Variants in OSBPL8 observed in about 807,000 individuals in gnomAD.
The protein encoded by OSBPL8 is oxysterol-binding protein-related protein 8.
A neutral mutation model predicts 125.5 loss-of-function variants in OSBPL8; 59 were observed. That is an observed-to-expected ratio of 0.47 (90% CI 0.38 to 0.58). OSBPL8 has a LOEUF of 0.58. OSBPL8 is among the 20% of genes least tolerant of loss of function. OSBPL8 has a pLI of 0.00. For synonymous variants in OSBPL8, 330 were observed against 338.9 expected, an observed-to-expected ratio of 0.97 and a Z score of 0.29; for missense variants, 758 against 1,047.8, an observed-to-expected ratio of 0.72 and a Z score of 3.82.
At chr12:76,511,472 T>C (rs971970798) in intron 1 of OSBPL8, among the ~76,000 whole-genome samples, 19 of 152,244 alleles carry the variant, frequency 1.2e-4, no homozygotes, top group African/African-American at 3.6e-4. Context: ...ATTTCTCTAA[T>C]GATCAGTGAT....
intron 4 of OSBPL8, among the ~76,000 whole-genome samples, chr12:76,418,614 TG>T (rs1869046129): frequency 6.6e-6 from 1 of 152,082 alleles, no homozygotes; most frequent in African/African-American, 2.4e-5. Flanking sequence ...GCAGATCACT[TG>T]AAGTCAGGAG....
intron 21 of OSBPL8, among the ~76,000 whole-genome samples, chr12:76,365,081 G>A (rs1285675697): frequency 6.6e-6 from 1 of 151,962 alleles, no homozygotes; most frequent in African/African-American, 2.4e-5. Context: ...TCAGCTTCCC[G>A]AGTAGCTGAG....
intron 5 of OSBPL8, among the ~76,000 whole-genome samples, chr12:76,408,312 A>T (rs1954359990): frequency 6.6e-6 from 1 of 151,092 alleles, no homozygotes; most frequent in South Asian, 2.1e-4. Flanking sequence ...ATACAAAAAA[A>T]TTAGCCAGCT....
chr12:76,453,591 C>T (rs2136759529), intron 3 of OSBPL8, among the ~76,000 whole-genome samples: 1 of 152,114 alleles, frequency 6.6e-6, no homozygotes, highest in African/African-American at 2.4e-5. Flanking sequence ...ATGAAGACTA[C>T]AGACATAATG....
At chr12:76,388,031 C>T (rs911291360) in intron 12 of OSBPL8, among the ~76,000 whole-genome samples, 1 of 152,084 alleles carries the variant, frequency 6.6e-6, no homozygotes, top group African/African-American at 2.4e-5. Context: ...AAAAGGGTTG[C>T]AAACTATACA....
At chr12:76,535,185 C>T (rs1373086033) in intron 1 of OSBPL8, among the ~76,000 whole-genome samples, 4 of 151,808 alleles carry the variant, frequency 2.6e-5, no homozygotes, top group Admixed American at 6.6e-5. Context: ...AAAGGCAAGA[C>T]ATAAACTGTT....
chr12:76,447,413 A>T (rs986819587), intron 4 of OSBPL8, among the ~76,000 whole-genome samples: 1 of 152,230 alleles, frequency 6.6e-6, no homozygotes, highest in African/African-American at 2.4e-5. Flanking sequence ...AGCTAGATAT[A>T]ATCGAGCCTT....
At chr12:76,494,552 A>C (rs1592785919) in intron 1 of OSBPL8, among the ~76,000 whole-genome samples, 1 of 152,342 alleles carries the variant, frequency 6.6e-6, no homozygotes, top group East Asian at 1.9e-4. Flanking sequence ...GAGAAGAAGC[A>C]GAATTCTACA....
At chr12:76,448,498 A>C (rs1366006354) in intron 4 of OSBPL8, among the ~76,000 whole-genome samples, 1 of 152,218 alleles carries the variant, frequency 6.6e-6, no homozygotes, top group East Asian at 1.9e-4. Flanking sequence ...TTTTATCTTA[A>C]TGAAGCTTAT....
At chr12:76,443,707 A>G (rs1179895529) in intron 4 of OSBPL8, among the ~76,000 whole-genome samples, 1 of 152,080 alleles carries the variant, frequency 6.6e-6, no homozygotes, top group East Asian at 1.9e-4. Flanking sequence ...TGGTTTCACC[A>G]TGTTGGCCAG....
At chr12:76,496,158 A>T (rs1265045324) in intron 1 of OSBPL8, among the ~76,000 whole-genome samples, 1 of 144,158 alleles carries the variant, frequency 6.9e-6, no homozygotes, top group Non-Finnish European at 1.5e-5. Context: ...TTCTTGTTTC[A>T]TGTCTGTAGT....
chr12:76,408,999 T>A (rs4641530), intron 5 of OSBPL8, among the ~76,000 whole-genome samples: 43,635 of 148,534 alleles, frequency 0.29, 7,629 homozygotes, highest in African/African-American at 0.51. Context: ...ATCTTTTTTT[T>A]AAAAAAAAAA....
rs990215459 is a variant in OSBPL8 at position 76,559,656 on chromosome 12, A to G, written c.-327T>C. The G allele has an allele frequency of 1.3e-5, 2 of 152,180 alleles. No individual in the cohort carries two copies. The highest frequency in any genetic ancestry group is 2.9e-5 in the Non-Finnish European group (2 of 68,046). 9.4% of individuals were successfully genotyped at this position (152,180 alleles called of 1,614,324 possible). ...CCCGGGCGGACCCCCACCTTCCCTCAGTCGGCTTGCTACCGGCAGCGGCTA... is the reference window on the plus strand; with the variant it reads ...CCCGGGCGGACCCCCACCTTCCCTCGGTCGGCTTGCTACCGGCAGCGGCTA... On this transcript the variant is annotated 5_prime_UTR_variant, in exon 1 of 24. Transcript: ENST00000261183.
intron 2 of OSBPL8, among the ~76,000 whole-genome samples, chr12:76,476,495 G>A (rs954396737): frequency 3.3e-5 from 5 of 152,072 alleles, no homozygotes; most frequent in Middle Eastern, 3.4e-3. Flanking sequence ...AAATATTATA[G>A]AGAAATAAAA....
intron 15 of OSBPL8, among the ~76,000 whole-genome samples, chr12:76,381,775 C>G (rs1377361736): frequency 6.6e-6 from 1 of 150,428 alleles, no homozygotes; most frequent in Non-Finnish European, 1.5e-5. Flanking sequence ...GCTCTTGTTG[C>G]CCAGGCTGGA....
At chr12:76,396,781 T>G (rs896654146) in intron 8 of OSBPL8, among the ~76,000 whole-genome samples, 2 of 152,062 alleles carry the variant, frequency 1.3e-5, no homozygotes, top group African/African-American at 4.8e-5. Flanking sequence ...CAAAACCACT[T>G]AAACTTGATT....
chr12:76,383,555 C>T (rs955080540), intron 15 of OSBPL8, among the ~76,000 whole-genome samples: 2 of 151,986 alleles, frequency 1.3e-5, no homozygotes, highest in African/African-American at 4.8e-5. Context: ...GGTAACCAGA[C>T]CTTGGATTTC....
At chr12:76,483,660 CTTTTTTTTTTTTTTTTTT>C (rs869202382) in intron 2 of OSBPL8, among the ~76,000 whole-genome samples, 1 of 57,438 alleles carries the variant, frequency 1.7e-5, no homozygotes, top group African/African-American at 8.0e-5. Flanking sequence ...CTGTAATAGT[CTTTTTTTTTTTTTTTTTT>C]TTTTTTTTTT....
intron 4 of OSBPL8, among the ~76,000 whole-genome samples, chr12:76,416,706 T>C (rs559480873): frequency 6.6e-6 from 1 of 152,244 alleles, no homozygotes; most frequent in Admixed American, 6.5e-5. Context: ...TTTATTCTTT[T>C]ATATGTAGAT....
Sources: gnomAD v4.1 joint callset for allele counts (sites outside exome capture counted in the v4.1 genomes callset) on GRCh38, gnomAD v4.1.1 for gene constraint, MANE v1.5 for transcripts, NCBI Gene and HGNC (gene_info 2026-07-23, HGNC 2026-07-21) for gene names.